The following NIPAL3 variants were observed in gnomAD, a reference collection of about 807,000 sequenced individuals.
NIPAL3 encodes NIPA-like protein 3.
NIPAL3 carries 41 observed loss-of-function variants against 47.2 expected under a neutral mutation model. The ratio of observed to expected loss-of-function variants is 0.87; its 90% confidence interval spans 0.68 to 1.13. The LOEUF (loss-of-function observed/expected upper bound fraction) is 1.13, where lower values mean the gene tolerates loss of function less well. Ranked by LOEUF, NIPAL3 falls within the 50% of genes most tolerant of loss-of-function variation. The probability of loss-of-function intolerance (pLI) is 0.00; values close to 1 mark genes in which losing one functional copy is unlikely to be tolerated. For synonymous variants in NIPAL3, 194 were observed against 209.6 expected (o/e 0.93, Z 0.64); for missense variants, 449 against 530.1 (o/e 0.85, Z 1.50).
At chr1:24,419,942 C>T (rs764733761) in intron 2 of NIPAL3, 4 of 272,434 alleles carry the variant, frequency 1.5e-5, no homozygotes, top group African/African-American at 2.3e-5. Flanking sequence ...ATTGGCTGGG[C>T]GTGGTGGTGC....
chr1:24,452,137 A>G (rs1645966855), intron 6 of NIPAL3, among the ~76,000 whole-genome samples: 1 of 152,216 alleles, frequency 6.6e-6, no homozygotes, highest in Non-Finnish European at 1.5e-5. Context: ...TTTCTGCTTT[A>G]GTTGCACTGG....
At chr1:24,431,951 C>G (rs1644899241) in intron 2 of NIPAL3, among the ~76,000 whole-genome samples, 1 of 151,598 alleles carries the variant, frequency 6.6e-6, no homozygotes, top group Non-Finnish European at 1.5e-5. Context: ...GTCCCTGTCA[C>G]GTAGAGTACC....
intron 1 of NIPAL3, among the ~76,000 whole-genome samples, chr1:24,417,163 C>T (rs764742913): frequency 2.0e-5 from 3 of 152,230 alleles, no homozygotes; most frequent in Non-Finnish European, 2.9e-5. Flanking sequence ...TTTAGTCAGT[C>T]GGTTGGTATG....
At chr1:24,458,702 G>A (rs994748208) in intron 8 of NIPAL3, among the ~76,000 whole-genome samples, 186 bp from the exon 9 acceptor site, 2 of 152,048 alleles carry the variant, frequency 1.3e-5, no homozygotes, top group African/African-American at 4.8e-5. Context: ...GGAAGAGTGG[G>A]AATCAAGTAT....
intron 2 of NIPAL3, among the ~76,000 whole-genome samples, chr1:24,427,522 G>A (rs1644647443): frequency 6.6e-6 from 1 of 152,184 alleles, no homozygotes; most frequent in South Asian, 2.1e-4. Context: ...AGAAACCTCA[G>A]CCATCTGTGT....
chr1:24,459,138 A>G (rs1646357010), intron 9 of NIPAL3, among the ~76,000 whole-genome samples, 162 bp downstream of exon 9: 1 of 152,184 alleles, frequency 6.6e-6, no homozygotes, highest in African/African-American at 2.4e-5. Context: ...CCGGGTTTGT[A>G]TCCCAGCACA....
At chr1:24,415,948 C>A in intron 1 of NIPAL3, 44 bp downstream of exon 1, 1 of 984,618 alleles carries the variant, frequency 1.0e-6, no homozygotes, top group Non-Finnish European at 1.2e-6. Flanking sequence ...TTGAATTTAA[C>A]CTTCGTTTTT....
chr1:24,457,899 C>T, intron 8 of NIPAL3: 1 of 480,784 alleles, frequency 2.1e-6, no homozygotes, highest in Non-Finnish European at 4.3e-6. Flanking sequence ...ATTTTTGGTC[C>T]CACTACAACA....
Position 24,464,086 on chromosome 1 carries a change from A to G in NIPAL3, c.987A>G (p.Pro329=), listed in dbSNP as rs756832685. Residue 329 remains proline (P), a synonymous_variant, in exon 11 of 12, where the codon CCA becomes CCG. Transcript: ENST00000374399. ...LITRNRKKPI[P]FEPYISMDAM... ...CGCGTAACAGGAAGAAGCCCATTCCATTTGAGCCCTATATTTCCATGGATG... is the reference window on the plus strand; with the variant it reads ...CGCGTAACAGGAAGAAGCCCATTCCGTTTGAGCCCTATATTTCCATGGATG... The G allele has an allele frequency of 6.2e-7, 1 of 1,613,552 alleles. No homozygotes were observed. Among genetic ancestry groups the G allele is most frequent in the Non-Finnish European group, 8.5e-7 (1 of 1,179,664 alleles).
intron 2 of NIPAL3, among the ~76,000 whole-genome samples, chr1:24,430,276 C>T (rs370670628): frequency 9.9e-5 from 14 of 141,770 alleles, no homozygotes; most frequent in African/African-American, 3.7e-4. Context: ...GAGTCTCACT[C>T]TTGTTGCCCA....
chr1:24,463,187 CA>C (rs552573911), intron 10 of NIPAL3, among the ~76,000 whole-genome samples: 7 of 147,600 alleles, frequency 4.7e-5, no homozygotes, highest in Non-Finnish European at 7.5e-5. Context: ...GACTCCATCT[CA>C]AAAAAAAATC....
chr1:24,468,426 A>T (rs896456850), intron 11 of NIPAL3, among the ~76,000 whole-genome samples: 7 of 152,342 alleles, frequency 4.6e-5, no homozygotes, highest in African/African-American at 1.7e-4. Flanking sequence ...TTGCCCTCAA[A>T]TGTAAGTAGG....
intron 2 of NIPAL3, among the ~76,000 whole-genome samples, chr1:24,430,306 A>AGGAGTGC (rs1292338970): frequency 6.6e-6 from 1 of 150,846 alleles, no homozygotes; most frequent in Non-Finnish European, 1.5e-5. Flanking sequence ...GCAGGAGTGC[A>AGGAGTGC]ATGGCGCGAT....
chr1:24,451,917 A>G lies in NIPAL3; in HGVS notation c.541-1491A>G, dbSNP rs147136947. Among the ~76,000 whole-genome samples, 671 of 152,350 alleles carry G rather than the reference A, an allele frequency of 4.4e-3. 3 individuals carry two copies. The highest frequency in any genetic ancestry group is 6.8e-3 in the Non-Finnish European group (461 of 68,038). ...CCCAGTACAAAATCGTGCATTGACT[A>G]TAATGACAACTCGTTAAAATATGGA... On this transcript the variant is annotated intron_variant, in intron 6 of 11. Coordinates refer to ENST00000374399, the MANE Select transcript of NIPAL3 (RefSeq NM_020448.5). The surrounding 1 kb of genome is among the most constrained non-coding windows in gnomAD (Gnocchi z 4.5).
intron 1 of NIPAL3, 87 bp from the exon 2 acceptor site, chr1:24,419,204 C>A: frequency 3.0e-6 from 2 of 656,152 alleles, no homozygotes; most frequent in Non-Finnish European, 3.8e-6. Flanking sequence ...TACGTTTTAT[C>A]TGAATGGTAT....
intron 8 of NIPAL3, 23 bp downstream of exon 8, chr1:24,456,296 G>T (rs376487970): frequency 3.7e-6 from 6 of 1,614,114 alleles, no homozygotes; most frequent in Non-Finnish European, 5.1e-6. Flanking sequence ...TCCTTTTCCT[G>T]CTGGGCCCTG....
intron 4 of NIPAL3, among the ~76,000 whole-genome samples, chr1:24,443,650 G>A (rs1645506799): frequency 2.0e-5 from 3 of 152,268 alleles, no homozygotes; most frequent in Middle Eastern, 3.4e-3. Context: ...TATAAGTCCC[G>A]GTTTTTCCTA....
At chr1:24,427,475 A>G (rs924605524) in intron 2 of NIPAL3, among the ~76,000 whole-genome samples, 1 of 152,234 alleles carries the variant, frequency 6.6e-6, no homozygotes, top group Admixed American at 6.5e-5. Context: ...TGGTTATTAC[A>G]TGTGGACATT....
rs1646877541 is a variant in NIPAL3 at position 24,470,840 on chromosome 1, A to G, written c.*1655A>G. The G allele has an allele frequency of 1.3e-5, 2 of 152,250 alleles. No individual in the cohort carries two copies. Among genetic ancestry groups the G allele is most frequent in the Admixed American group, 1.3e-4 (2 of 15,288 alleles). 9.4% of individuals were successfully genotyped at this position (152,250 alleles called of 1,614,324 possible). The stretch of plus-strand genomic sequence containing the variant: ...TGTATTGTGTGGTCTTAACTGCCTA[A>G]GGCGGCAATGGGCAGTGGGCCCCTT... On this transcript the variant is annotated 3_prime_UTR_variant, in exon 12 of 12. Transcript: ENST00000374399.
Sources: allele counts gnomAD v4.1 joint callset (sites outside exome capture counted in the v4.1 genomes callset), GRCh38; gene constraint gnomAD v4.1.1; non-coding constraint Gnocchi (gnomAD v3.1); transcripts MANE v1.5; gene names NCBI Gene and HGNC (gene_info 2026-07-23, HGNC 2026-07-21).